EVI5: variants seen among roughly 807,000 people sequenced by gnomAD.
EVI5 encodes the protein ecotropic viral integration site 5 protein homolog.
EVI5 carries 73 observed loss-of-function variants against 112.0 expected under a neutral mutation model. The observed-to-expected ratio is 0.65, with a 90% CI of 0.54 to 0.79. The LOEUF (loss-of-function observed/expected upper bound fraction) is 0.79. Among genes scored for constraint, EVI5 ranks in the 30% least tolerant of loss-of-function variants. The pLI is 0.00. For missense variants in EVI5, 900 were observed against 968.8 expected (o/e 0.93, Z 0.94); for synonymous variants, 305 against 319.9 (o/e 0.95, Z 0.50).
At chr1:92,733,824 TAAC>T (rs1308041039) in intron 2 of EVI5, among the ~76,000 whole-genome samples, 6 of 152,194 alleles carry the variant, frequency 3.9e-5, no homozygotes, top group Non-Finnish European at 8.8e-5. Context: ...ATGCTGCAGT[TAAC>T]AACAACAAAG....
In EVI5 at chr1:92,715,394, TAAAG is replaced by T. The variant is rs1198277811; in HGVS notation, c.150-10654_150-10651del. Among the ~76,000 whole-genome samples, 6 of 152,330 alleles carry T rather than the reference TAAAG, an allele frequency of 3.9e-5. No individual in the cohort carries two copies. The East Asian group carries it at 1.2e-3, about 29-fold the overall frequency. On this transcript the variant is annotated intron_variant, in intron 2 of 19. Transcript: ENST00000684568. The stretch of plus-strand genomic sequence containing the variant: ...ATTTTTTAGTACTTCCACACAAGAA[TAAAG>T]AGTGACTTAAACTTCTGCTCCTTTT...
At chr1:92,584,599 T>A (rs2101128882) in intron 18 of EVI5, among the ~76,000 whole-genome samples, 1 of 152,316 alleles carries the variant, frequency 6.6e-6, no homozygotes, top group East Asian at 1.9e-4. Context: ...GTAAATGTGG[T>A]AAGCGGTAGC....
intron 1 of EVI5, among the ~76,000 whole-genome samples, chr1:92,790,160 TAAA>T (rs1685981305): frequency 6.6e-6 from 1 of 151,904 alleles, no homozygotes; most frequent in Non-Finnish European, 1.5e-5. Flanking sequence ...AAAATAAAAA[TAAA>T]AAAATTAGCT....
intron 9 of EVI5, among the ~76,000 whole-genome samples, chr1:92,687,109 T>A (rs1182782671): frequency 6.6e-6 from 1 of 152,172 alleles, no homozygotes; most frequent in African/African-American, 2.4e-5. Context: ...AGAACAAAGC[T>A]GGAGGCATCA....
chr1:92,743,396 C>T (rs758567840), intron 1 of EVI5, among the ~76,000 whole-genome samples: 7 of 151,856 alleles, frequency 4.6e-5, no homozygotes, highest in African/African-American at 9.7e-5. Flanking sequence ...AACATGAACA[C>T]ACCCTGAGGA....
At chr1:92,631,278 C>A (rs1657025035) in intron 14 of EVI5, among the ~76,000 whole-genome samples, 1 of 152,070 alleles carries the variant, frequency 6.6e-6, no homozygotes. Context: ...GGCAGTATGG[C>A]CATTTTCACA....
intron 1 of EVI5, among the ~76,000 whole-genome samples, chr1:92,746,465 C>T (rs1679257658): frequency 6.6e-6 from 1 of 152,194 alleles, no homozygotes; most frequent in South Asian, 2.1e-4. Context: ...GTGGCTCACG[C>T]CTGAAATCCC....
chr1:92,514,182 C>T (rs1414196492), intron 19 of EVI5, among the ~76,000 whole-genome samples: 1 of 152,126 alleles, frequency 6.6e-6, no homozygotes, highest in Non-Finnish European at 1.5e-5. Flanking sequence ...AGGTCTCAGT[C>T]TCACTTTGTC....
chr1:92,590,251 C>T (rs1461481833), intron 18 of EVI5, among the ~76,000 whole-genome samples: 1 of 151,768 alleles, frequency 6.6e-6, no homozygotes, highest in Non-Finnish European at 1.5e-5. Flanking sequence ...AGCAATGGAA[C>T]AAAGCTGGAC....
intron 1 of EVI5, among the ~76,000 whole-genome samples, chr1:92,769,427 T>C (rs1162127559): frequency 6.6e-6 from 1 of 152,230 alleles, no homozygotes; most frequent in Non-Finnish European, 1.5e-5. Context: ...TTTGATCTTC[T>C]GTCCTTGTCA....
chr1:92,677,847 T>C (rs781658299), intron 9 of EVI5, among the ~76,000 whole-genome samples: 1 of 152,182 alleles, frequency 6.6e-6, no homozygotes, highest in South Asian at 2.1e-4. Flanking sequence ...AGAATCCTAG[T>C]AGACTGCACC....
At chr1:92,556,353 C>T (rs576652339) in intron 19 of EVI5, among the ~76,000 whole-genome samples, 2 of 151,946 alleles carry the variant, frequency 1.3e-5, no homozygotes, top group East Asian at 3.9e-4. Context: ...TGAGCCACTG[C>T]TTTAAATAGA....
chr1:92,747,516 C>T (rs1230044629), intron 1 of EVI5, among the ~76,000 whole-genome samples: 4 of 151,900 alleles, frequency 2.6e-5, no homozygotes, highest in East Asian at 3.9e-4. Flanking sequence ...GAGTTTGAGA[C>T]TAGCCTGGCC....
Position 92,681,371 on chromosome 1 carries a change from G to T in EVI5, c.1098-4153C>A, listed in dbSNP as rs550218828. ...TTATATACGCATACAGAGGAGAGAG[G>T]ATAATAAAGCAAATGGGATGAAATG... On this transcript the variant is annotated intron_variant, in intron 9 of 19. Coordinates refer to ENST00000684568, the MANE Select transcript of EVI5 (RefSeq NM_001350197.2). 4.6e-5 allele frequency among the ~76,000 whole-genome samples: 7 copies of T among 152,198 alleles called. 1 individual carries two copies. In the South Asian group the frequency reaches 1.2e-3, roughly 27 times the overall value.
At chr1:92,617,691 G>T (rs944086515) in intron 16 of EVI5, among the ~76,000 whole-genome samples, 1 of 152,178 alleles carries the variant, frequency 6.6e-6, no homozygotes, top group African/African-American at 2.4e-5. Context: ...GACCAACACT[G>T]AGCCCTTGAT....
intron 19 of EVI5, among the ~76,000 whole-genome samples, chr1:92,551,331 G>T (rs1666907939): frequency 6.6e-6 from 1 of 152,046 alleles, no homozygotes. Flanking sequence ...CTCGGCAACT[G>T]CATGAATTTC....
At chr1:92,699,076 C>T (rs925362410) in intron 5 of EVI5, among the ~76,000 whole-genome samples, 1 of 152,190 alleles carries the variant, frequency 6.6e-6, no homozygotes, top group African/African-American at 2.4e-5. Context: ...CTGAAGACTG[C>T]TGCTAATAAC....
intron 18 of EVI5, among the ~76,000 whole-genome samples, chr1:92,587,569 A>G (rs1673023007): frequency 6.6e-6 from 1 of 152,214 alleles, no homozygotes; most frequent in Non-Finnish European, 1.5e-5. Context: ...CATCTCTGTC[A>G]AAACTACATA....
intron 13 of EVI5, among the ~76,000 whole-genome samples, chr1:92,656,107 C>A (rs1662958405): frequency 6.6e-6 from 1 of 152,116 alleles, no homozygotes; most frequent in African/African-American, 2.4e-5. Context: ...TTCTTCTCAT[C>A]AGCACATGAA....
Sources: gnomAD v4.1 joint callset for allele counts (sites outside exome capture counted in the v4.1 genomes callset) on GRCh38, gnomAD v4.1.1 for gene constraint, MANE v1.5 for transcripts, NCBI Gene and HGNC (gene_info 2026-07-23, HGNC 2026-07-21) for gene names.